Variants in MYH9 observed in about 807,000 individuals in gnomAD.
The protein encoded by MYH9 is myosin-9.
Under a neutral mutation model 241.9 loss-of-function variants are expected in MYH9, and 29 were observed. That is an observed-to-expected ratio of 0.12 (90% CI 0.09 to 0.16). The LOEUF (loss-of-function observed/expected upper bound fraction) is 0.16, where lower values mean the gene tolerates loss of function less well. Among genes scored for constraint, MYH9 ranks in the 10% least tolerant of loss-of-function variants. The pLI is 1.00. For missense variants in MYH9, 1,803 were observed against 2,595.5 expected, an observed-to-expected ratio of 0.69 and a Z score of 6.63; for synonymous variants, 1,047 against 1,062.6, an observed-to-expected ratio of 0.99 and a Z score of 0.29.
At chr22:36,333,283 C>T (rs976260098) in intron 3 of MYH9, among the ~76,000 whole-genome samples, 2 of 152,228 alleles carry the variant, frequency 1.3e-5, no homozygotes, top group African/African-American at 4.8e-5. Context: ...AGCGCATGAA[C>T]ACGTTGCCTC....
rs1458152920 is a variant in MYH9 at position 36,341,359 on chromosome 22, A to G, written c.490+11T>C. The stretch of plus-strand genomic sequence containing the variant: ...ATTCAGCCCCAGGTGGGCACACACT[A>G]CGTCACCCACCTTGCATCATACTCC... On this transcript the variant is annotated intron_variant, in intron 3 of 40. Transcript: ENST00000216181. 1 of 1,613,272 alleles carries G rather than the reference A, an allele frequency of 6.2e-7. No individual in the cohort carries two copies. Among genetic ancestry groups the G allele is most frequent in the East Asian group, 2.2e-5 (1 of 44,880 alleles).
At chr22:36,340,243 AAT>A (rs530064288) in intron 3 of MYH9, among the ~76,000 whole-genome samples, 206 of 151,720 alleles carry the variant, frequency 1.4e-3, no homozygotes, top group South Asian at 7.3e-3. Flanking sequence ...GCAGCAACCT[AAT>A]AGCTCTGGGG....
In MYH9 at chr22:36,300,777, G is replaced by A; in HGVS notation, c.2838+74C>T. On this transcript the variant is annotated intron_variant, in intron 22 of 40. Transcript: ENST00000216181. The surrounding 1 kb of genome is among the most constrained non-coding windows in gnomAD (Gnocchi z 5.0). ...TGGACCCTAATTCCATGTTCTCCCA[G>A]CTCCTGGTTCCTGCTCCTCCGCCCC... The A allele has an allele frequency of 6.5e-7, 1 of 1,543,412 alleles. No individual in the cohort carries two copies.
chr22:36,295,923 G>C lies in MYH9; in HGVS notation c.3273-206C>G, dbSNP rs875726. ...CCTCTGAGAAGCAGAAAACCTCATA[G>C]AGGAATCGTTTCAATTTCCAAAGTA... On this transcript the variant is annotated intron_variant, in intron 25 of 40. Coordinates refer to ENST00000216181, the MANE Select transcript of MYH9 (RefSeq NM_002473.6). This position sits in a 1 kb window ranked among gnomAD's most constrained non-coding sequence, Gnocchi z 4.1. Among the ~76,000 whole-genome samples the C allele has an allele frequency of 6.6e-6, 1 of 152,154 alleles. No homozygotes were observed. The highest frequency in any genetic ancestry group is 2.1e-4 in the South Asian group (1 of 4,832).
At position 36,348,967 on chromosome 22, in the gene MYH9, C is replaced by T. The variant is rs780422191; in HGVS notation, c.270G>A (p.Thr90=). The T allele has an allele frequency of 1.9e-5, 31 of 1,614,090 alleles. No individual in the cohort carries two copies. Among genetic ancestry groups the T allele is most frequent in the Middle Eastern group, 1.6e-4 (1 of 6,084 alleles). ...FSKVEDMAEL[T]CLNEASVLHN... ...GCAGCACCGAGGCTTCGTTGAGGCA[C>T]GTGAGCTCTGCCATGTCCTCCACCT... Residue 90 remains threonine, a synonymous_variant, in exon 2 of 41, where the codon ACG becomes ACA. Transcript: ENST00000216181.
At chr22:36,287,145 T>C (rs1279988299) in intron 34 of MYH9, among the ~76,000 whole-genome samples, 1 of 152,196 alleles carries the variant, frequency 6.6e-6, no homozygotes, top group East Asian at 1.9e-4. Context: ...CCACCCCTAA[T>C]GCGCACCTGC....
chr22:36,301,183 C>T, intron 21 of MYH9, 126 bp from the exon 22 acceptor site: 1 of 938,672 alleles, frequency 1.1e-6, no homozygotes, highest in South Asian at 1.4e-5. Context: ...TAGCTTTCAT[C>T]TGGAGAGCTC....
intron 25 of MYH9, among the ~76,000 whole-genome samples, chr22:36,296,368 G>A (rs1244691527): frequency 6.6e-6 from 1 of 152,116 alleles, no homozygotes; most frequent in African/African-American, 2.4e-5. Context: ...CTGAGTAGGT[G>A]AGATTACAGT....
chr22:36,333,127 C>G (rs1178609247), intron 3 of MYH9, among the ~76,000 whole-genome samples: 1 of 152,216 alleles, frequency 6.6e-6, no homozygotes, highest in Non-Finnish European at 1.5e-5. Context: ...CAGACACAGC[C>G]AGGCACTGCT....
At chr22:36,372,982 C>T (rs1010408912) in intron 1 of MYH9, among the ~76,000 whole-genome samples, 3 of 152,070 alleles carry the variant, frequency 2.0e-5, no homozygotes, top group African/African-American at 7.2e-5. Flanking sequence ...AAAGGCAGCC[C>T]TTGCATTCCA....
Position 36,320,677 on chromosome 22 carries a change from C to T in MYH9, c.868+121G>A. ...GCGCAGAGAACAGGAGTCACTCTCACTTCTCCCCGTTAAACCCAAGGCCAA... is the reference window on the plus strand; with the variant it reads ...GCGCAGAGAACAGGAGTCACTCTCATTTCTCCCCGTTAAACCCAAGGCCAA... On this transcript the variant is annotated intron_variant, in intron 8 of 40. Transcript: ENST00000216181. This position sits in a 1 kb window ranked among gnomAD's most constrained non-coding sequence, Gnocchi z 4.8. 1 of 838,560 alleles carries T rather than the reference C, an allele frequency of 1.2e-6. No individual in the cohort carries two copies. The highest frequency in any genetic ancestry group is 2.0e-6 in the Non-Finnish European group (1 of 509,134). The allele number at this position is 838,560 out of a possible 1,614,324, so 51.9% of individuals were successfully genotyped here. A position where few individuals can be genotyped will look rare whatever the true frequency, so the allele number is the denominator to read the frequency against.
intron 15 of MYH9, among the ~76,000 whole-genome samples, chr22:36,308,039 C>G (rs549884445): frequency 6.6e-6 from 1 of 152,148 alleles, no homozygotes; most frequent in Admixed American, 6.5e-5. Flanking sequence ...CATAACTGGC[C>G]CTTTTAGCTG....
intron 2 of MYH9, among the ~76,000 whole-genome samples, chr22:36,347,162 T>C (rs961184235): frequency 5.3e-5 from 8 of 152,144 alleles, no homozygotes; most frequent in African/African-American, 1.9e-4. Flanking sequence ...GATGCATAAA[T>C]GCTCATCTCC....
intron 1 of MYH9, among the ~76,000 whole-genome samples, chr22:36,362,690 C>T (rs759939152): frequency 5.3e-5 from 8 of 152,170 alleles, no homozygotes; most frequent in Middle Eastern, 3.4e-3. Flanking sequence ...TGGCCAGGAT[C>T]GTCTTGAACT....
intron 35 of MYH9, 104 bp downstream of exon 35, chr22:36,286,611 TTCC>T (rs1475003171): frequency 6.6e-7 from 1 of 1,524,240 alleles, no homozygotes; most frequent in Non-Finnish European, 9.0e-7. Context: ...CCCCAGCCAA[TTCC>T]TGGAGCCCAG....
At chr22:36,292,616 A>C (rs1397261796) in intron 30 of MYH9, among the ~76,000 whole-genome samples, 1 of 152,004 alleles carries the variant, frequency 6.6e-6, no homozygotes, top group Non-Finnish European at 1.5e-5. Context: ...ATAAACCCAC[A>C]ATCAGGCACG....
Position 36,285,179 on chromosome 22 carries a change from T to C in MYH9, c.5425A>G (p.Ile1809Val). 1 of 1,614,182 alleles carries C rather than the reference T, an allele frequency of 6.2e-7. No homozygotes were observed. ...GCAATCTTGGCCTCGAGGGCGGTGATGGAGGCCTTGTACTTGGACTTGACA... is the reference window on the plus strand; with the variant it reads ...GCAATCTTGGCCTCGAGGGCGGTGACGGAGGCCTTGTACTTGGACTTGACA... ...GTVKSKYKAS[I>V]TALEAKIAQL... The change falls in exon 38 of 41, where the codon ATC becomes GTC. Residue 1809 changes from isoleucine (I) to valine (V), a missense_variant. Coordinates refer to ENST00000216181, the MANE Select transcript of MYH9 (RefSeq NM_002473.6). The surrounding 1 kb of genome is among the most constrained non-coding windows in gnomAD (Gnocchi z 7.0).
Position 36,320,477 on chromosome 22 carries a change from C to T in MYH9, c.869-114G>A, listed in dbSNP as rs377449771. 116 of 1,363,788 alleles carry T rather than the reference C, an allele frequency of 8.5e-5. 2 individuals are homozygous for T. In the South Asian group the frequency reaches 1.1e-3, roughly 13 times the overall value. The allele number at this position is 1,363,788 out of a possible 1,614,324, so 84.5% of individuals were successfully genotyped here. On this transcript the variant is annotated intron_variant, in intron 8 of 40. Coordinates refer to ENST00000216181, the MANE Select transcript of MYH9 (RefSeq NM_002473.6). This position sits in a 1 kb window ranked among gnomAD's most constrained non-coding sequence, Gnocchi z 4.8. Reference sequence around the variant, plus strand: ...GGGACAGACCCTGAGCCCTGACGCACCCTGGAAACCGCAGAGTAGCCAGTG... The same window carrying T: ...GGGACAGACCCTGAGCCCTGACGCATCCTGGAAACCGCAGAGTAGCCAGTG...
intron 3 of MYH9, among the ~76,000 whole-genome samples, chr22:36,338,764 G>A (rs927242926): frequency 4.0e-5 from 6 of 151,008 alleles, no homozygotes; most frequent in African/African-American, 1.5e-4. Flanking sequence ...AGCCCGCAAT[G>A]AGCCGAGATC....
Sources: gnomAD v4.1 joint callset for allele counts (sites outside exome capture counted in the v4.1 genomes callset) on GRCh38, gnomAD v4.1.1 for gene constraint, Gnocchi (gnomAD v3.1) non-coding constraint, MANE v1.5 for transcripts, NCBI Gene and HGNC (gene_info 2026-07-23, HGNC 2026-07-21) for gene names.